Variants in PRRC2B observed in about 807,000 individuals in gnomAD.
PRRC2B encodes the protein protein PRRC2B.
A neutral mutation model predicts 242.3 loss-of-function variants in PRRC2B; 68 were observed. That is an observed-to-expected ratio of 0.28 (90% CI 0.23 to 0.34). The LOEUF (loss-of-function observed/expected upper bound fraction) is 0.34, where lower values mean the gene tolerates loss of function less well. Among genes scored for constraint, PRRC2B ranks in the 10% least tolerant of loss-of-function variants. The pLI is 1.00. For synonymous variants in PRRC2B, 1,228 were observed against 1,173.6 expected, an observed-to-expected ratio of 1.05 and a Z score of -0.95; for missense variants, 2,835 against 2,954.8, an observed-to-expected ratio of 0.96 and a Z score of 0.94.
intron 5 of PRRC2B, 90 bp downstream of exon 5, chr9:131,439,151 C>G: frequency 9.0e-7 from 1 of 1,117,168 alleles, no homozygotes; most frequent in Non-Finnish European, 1.3e-6. Flanking sequence ...TCTAGGCACC[C>G]AGAAGCTTTG....
At chr9:131,459,143 A>C in intron 10 of PRRC2B, 21 bp from the exon 11 acceptor site, 4 of 1,606,712 alleles carry the variant, frequency 2.5e-6, no homozygotes, top group Non-Finnish European at 3.4e-6. Context: ...AAAACTTAAC[A>C]TCAAATGTGG....
intron 13 of PRRC2B, among the ~76,000 whole-genome samples, chr9:131,469,137 C>T (rs960315127): frequency 1.3e-5 from 2 of 152,038 alleles, no homozygotes; most frequent in Admixed American, 1.3e-4. Flanking sequence ...AGTTTGAGAC[C>T]AGCCTGACCA....
intron 1 of PRRC2B, among the ~76,000 whole-genome samples, chr9:131,409,594 TG>T (rs1333520015): frequency 2.0e-5 from 3 of 152,224 alleles, no homozygotes; most frequent in Non-Finnish European, 2.9e-5. Context: ...GTGGAGCCTG[TG>T]GGGGCCGGGC....
rs780489015 is a variant in PRRC2B, at chr9:131,446,717, T to A, written c.855+75T>A. The A allele has an allele frequency of 1.9e-6, 3 of 1,549,440 alleles. No individual in the cohort carries two copies. The East Asian group carries it at 6.8e-5, about 35-fold the overall frequency. On this transcript the variant is annotated intron_variant, in intron 7 of 31. Transcript: ENST00000683519. The surrounding 1 kb of genome is among the most constrained non-coding windows in gnomAD (Gnocchi z 4.1). ...CCAGCAGATAGGTCAAGTGGTTGAA[T>A]GTCCCCCTTGGGGTCTCCTCTTGGC...
chr9:131,469,531 C>G (rs1245192907), intron 13 of PRRC2B, among the ~76,000 whole-genome samples: 1 of 152,128 alleles, frequency 6.6e-6, no homozygotes, highest in Non-Finnish European at 1.5e-5. Flanking sequence ...ATTGAGTGCT[C>G]TTAATAGGCA....
intron 19 of PRRC2B, 114 bp from the exon 20 acceptor site, chr9:131,481,612 A>T: frequency 1.2e-6 from 1 of 812,902 alleles, no homozygotes; most frequent in South Asian, 1.5e-5. Context: ...GGTGCAGGGG[A>T]GGCAGGGGAG....
intron 1 of PRRC2B, among the ~76,000 whole-genome samples, chr9:131,416,610 GT>G (rs778659495): frequency 1.6e-4 from 18 of 115,272 alleles, no homozygotes; most frequent in Admixed American, 3.0e-4. Context: ...TTCTTAGCTT[GT>G]ACCCAGTGTC....
At chr9:131,384,003 C>G (rs1202185306) in intron 1 of PRRC2B, among the ~76,000 whole-genome samples, 1 of 151,820 alleles carries the variant, frequency 6.6e-6, no homozygotes, top group African/African-American at 2.4e-5. Flanking sequence ...CTTGGACCCT[C>G]TGCCTCCTGG....
chr9:131,406,218 G>A (rs1188031941), intron 1 of PRRC2B, among the ~76,000 whole-genome samples: 2 of 152,174 alleles, frequency 1.3e-5, no homozygotes, highest in Non-Finnish European at 2.9e-5. Context: ...GACCCGTAGC[G>A]CATTGCCCTC....
rs1397181135 is a variant in PRRC2B at position 131,446,286 on chromosome 9, G to T, written c.614-115G>T. 1.1e-5 allele frequency: 15 copies of T among 1,324,706 alleles called. No homozygotes were observed. The Admixed American group carries it at 2.2e-4, about 19-fold the overall frequency. 82.1% of individuals were successfully genotyped at this position (1,324,706 alleles called of 1,614,324 possible). ...CAGTTCTTCACTTTTGGTGTTTTTT[G>T]TTTTTCATTTTATTTTTTTGGTGAA... On this transcript the variant is annotated intron_variant, in intron 6 of 31. Transcript: ENST00000683519. This position sits in a 1 kb window ranked among gnomAD's most constrained non-coding sequence, Gnocchi z 4.1.
At position 131,444,248 on chromosome 9, in the gene PRRC2B, C is replaced by T. The variant is rs1267637266; in HGVS notation, c.533C>T (p.Ala178Val). The T allele has an allele frequency of 6.2e-7, 1 of 1,613,898 alleles. No individual in the cohort carries two copies. The highest frequency in any genetic ancestry group is 2.2e-5 in the East Asian group (1 of 44,904). ...SPEEFPTLKA[A>V]GGQDKAGKEK... ...GAGGAATTTCCGACGCTGAAAGCAG[C>T]TGGAGGGCAGGACAAGGCTGGCAAA... Residue 178 changes from alanine (A) to valine (V), a missense_variant, in exon 6 of 32, where the codon GCT becomes GTT. Ala to Val is a moderately conservative substitution (Grantham distance 64, BLOSUM62 0). This residue lies in a region of PRRC2B where 626 missense variants were observed against 685.5 expected (regional missense o/e 0.91). Transcript: ENST00000683519.
intron 1 of PRRC2B, among the ~76,000 whole-genome samples, chr9:131,414,605 G>T (rs141246676): frequency 6.8e-6 from 1 of 146,338 alleles, no homozygotes; most frequent in East Asian, 2.0e-4. Flanking sequence ...AGTCTCTGCT[G>T]TGTCGCCCAG....
In PRRC2B at chr9:131,475,353, C is replaced by A. The variant is rs578113444; in HGVS notation, c.3224C>A (p.Thr1075Asn). 3.2e-6 allele frequency: 5 copies of A among 1,587,138 alleles called. No individual in the cohort carries two copies. Among genetic ancestry groups the A allele is most frequent in the Non-Finnish European group, 4.3e-6 (5 of 1,167,716 alleles). ...RGRGRGFREF[T>N]FRGRPAGGNG... is the part of the protein sequence containing the mutation. Reference sequence around the variant, plus strand: ...CGGGGCCGTGGTTTCAGAGAGTTCACTTTTCGTGGTCGGCCTGCTGGCGGA... The same window carrying A: ...CGGGGCCGTGGTTTCAGAGAGTTCAATTTTCGTGGTCGGCCTGCTGGCGGA... The change falls in exon 16 of 32, where the codon ACT becomes AAT. Residue 1075 changes from threonine to asparagine, a missense_variant. Physicochemically the swap from Thr to Asn is moderately conservative, Grantham distance 65 (BLOSUM62 0). Around this residue, in one of 7 missense-constraint regions of PRRC2B, gnomAD observed 1,536 missense variants for 1,483.1 expected, o/e 1.04. Coordinates refer to ENST00000683519, the MANE Select transcript of PRRC2B (RefSeq NM_013318.4).
chr9:131,447,285 A>G, intron 8 of PRRC2B, 79 bp downstream of exon 8: 1 of 1,554,828 alleles, frequency 6.4e-7, no homozygotes, highest in Non-Finnish European at 8.8e-7. Flanking sequence ...GCTGATGAAT[A>G]GAAGTGCTGT....
At chr9:131,397,550 T>G (rs1255907499) in intron 1 of PRRC2B, among the ~76,000 whole-genome samples, 1 of 147,258 alleles carries the variant, frequency 6.8e-6, no homozygotes, top group Non-Finnish European at 1.5e-5. Context: ...ATTATTTTAT[T>G]GTACTTTTGA....
intron 14 of PRRC2B, among the ~76,000 whole-genome samples, chr9:131,472,256 T>C (rs1943567043): frequency 6.6e-6 from 1 of 152,194 alleles, no homozygotes; most frequent in Non-Finnish European, 1.5e-5. Context: ...TGAAAGTCTA[T>C]GACTTTTAAT....
At chr9:131,411,985 T>C (rs1588240383) in intron 1 of PRRC2B, among the ~76,000 whole-genome samples, 1 of 136,560 alleles carries the variant, frequency 7.3e-6, no homozygotes, top group African/African-American at 2.7e-5. Context: ...TTTTTTTTTT[T>C]CTGTAGAGAT....
At chr9:131,380,661 G>A (rs535179782) in intron 1 of PRRC2B, among the ~76,000 whole-genome samples, 3 of 151,782 alleles carry the variant, frequency 2.0e-5, no homozygotes, top group Middle Eastern at 3.4e-3. Context: ...GGAGAATTAC[G>A]AGGTCGGGAG....
chr9:131,402,062 C>T (rs186198821), intron 1 of PRRC2B, among the ~76,000 whole-genome samples: 8 of 150,368 alleles, frequency 5.3e-5, no homozygotes, highest in South Asian at 2.1e-4. Context: ...CTCTACCTCC[C>T]GGGTTCAAGC....
Sources: gnomAD v4.1 joint callset for allele counts (sites outside exome capture counted in the v4.1 genomes callset) on GRCh38, gnomAD v4.1.1 for gene constraint, gnomAD v4.1.1 regional missense constraint, Gnocchi (gnomAD v3.1) non-coding constraint, MANE v1.5 for transcripts, NCBI Gene and HGNC (gene_info 2026-07-23, HGNC 2026-07-21) for gene names.